The following DLGAP1 variants were observed in gnomAD, a reference collection of about 807,000 sequenced individuals.
DLGAP1 encodes DLG associated protein 1, also known as disks large-associated protein 1.
In DLGAP1, 11 loss-of-function variants were observed where a neutral mutation model predicts 90.8. That is an observed-to-expected ratio of 0.12 (90% CI 0.08 to 0.20). The LOEUF (loss-of-function observed/expected upper bound fraction) is 0.20. DLGAP1 is among the 10% of genes least tolerant of loss of function. The pLI is 1.00. For missense variants in DLGAP1, 1,050 were observed against 1,333.8 expected, an observed-to-expected ratio of 0.79 and a Z score of 3.31; for synonymous variants, 558 against 540.7, an observed-to-expected ratio of 1.03 and a Z score of -0.44.
At chr18:3,712,921 T>C (rs372268954) in intron 7 of DLGAP1, among the ~76,000 whole-genome samples, 10 of 152,366 alleles carry the variant, frequency 6.6e-5, no homozygotes, top group East Asian at 1.9e-4. Flanking sequence ...GTTGTTCTAC[T>C]GGTACTGTTT....
At chr18:4,225,748 CAG>C (rs1377456533) in intron 1 of DLGAP1, among the ~76,000 whole-genome samples, 3 of 151,470 alleles carry the variant, frequency 2.0e-5, no homozygotes. Flanking sequence ...TGTATATACA[CAG>C]AGGAGATAAA....
At chr18:3,813,927 C>G in intron 5 of DLGAP1, 132 bp downstream of exon 5, 1 of 849,636 alleles carries the variant, frequency 1.2e-6, no homozygotes, top group Admixed American at 2.1e-5. Flanking sequence ...GATCTAAAGT[C>G]ACAATCAATG....
At chr18:3,640,167 A>C (rs2146303368) in intron 7 of DLGAP1, among the ~76,000 whole-genome samples, 1 of 152,196 alleles carries the variant, frequency 6.6e-6, no homozygotes, top group East Asian at 1.9e-4. Flanking sequence ...ATGCTTAATA[A>C]ATATTTATTT....
chr18:3,638,590 T>C (rs1191152327), intron 7 of DLGAP1, among the ~76,000 whole-genome samples: 1 of 152,212 alleles, frequency 6.6e-6, no homozygotes, highest in Non-Finnish European at 1.5e-5. Context: ...TTGTTTTTCT[T>C]CCCTCAGTCA....
At chr18:3,872,721 T>C (rs915666014) in intron 4 of DLGAP1, among the ~76,000 whole-genome samples, 1 of 152,200 alleles carries the variant, frequency 6.6e-6, no homozygotes, top group Non-Finnish European at 1.5e-5. Context: ...CATGATCTCA[T>C]GTGGGCTAGA....
chr18:4,122,979 C>T (rs1004645969), intron 2 of DLGAP1, among the ~76,000 whole-genome samples: 1 of 152,128 alleles, frequency 6.6e-6, no homozygotes, highest in African/African-American at 2.4e-5. Flanking sequence ...TCCATTGCCC[C>T]AAGGGTAAGA....
At chr18:4,033,825 T>C (rs2074840059) in intron 2 of DLGAP1, among the ~76,000 whole-genome samples, 1 of 151,166 alleles carries the variant, frequency 6.6e-6, no homozygotes, top group Admixed American at 6.6e-5. Flanking sequence ...CTGCAACCTC[T>C]GCCTCCCGGG....
At chr18:3,779,634 A>G (rs1788935219) in intron 5 of DLGAP1, among the ~76,000 whole-genome samples, 1 of 151,956 alleles carries the variant, frequency 6.6e-6, no homozygotes, top group South Asian at 2.1e-4. Context: ...TATTCTATCT[A>G]TTGTTTAAGA....
intron 4 of DLGAP1, among the ~76,000 whole-genome samples, chr18:3,859,284 A>G (rs1414930034): frequency 6.6e-6 from 1 of 152,238 alleles, no homozygotes; most frequent in Non-Finnish European, 1.5e-5. Flanking sequence ...CAATGATCTC[A>G]TTTAGCTGAT....
rs1280390315 is a variant in DLGAP1 at position 4,342,704 on chromosome 18, G to A, written c.-267+112302C>T. Among the ~76,000 whole-genome samples, 1 of 152,150 alleles carries A rather than the reference G, an allele frequency of 6.6e-6. No individual in the cohort carries two copies. Among genetic ancestry groups the A allele is most frequent in the Admixed American group, 6.5e-5 (1 of 15,284 alleles). ...ACAAATCTGCAGATGTATGTTGAAAGATTTGACATATCATTCTTATACCTG... is the reference window on the plus strand; with the variant it reads ...ACAAATCTGCAGATGTATGTTGAAAAATTTGACATATCATTCTTATACCTG... On this transcript the variant is annotated intron_variant, in intron 1 of 12. Coordinates refer to ENST00000315677, the MANE Select transcript of DLGAP1 (RefSeq NM_004746.4). This position sits in a 1 kb window ranked among gnomAD's most constrained non-coding sequence, Gnocchi z 5.8.
At chr18:3,502,353 A>T (rs1228623087) in intron 12 of DLGAP1, 140 bp downstream of exon 12, 15 of 1,448,414 alleles carry the variant, frequency 1.0e-5, no homozygotes, top group Non-Finnish European at 1.3e-5. Flanking sequence ...CTATGTAAAC[A>T]TTGTCATTAC....
At chr18:4,076,685 G>A (rs1354697431) in intron 2 of DLGAP1, among the ~76,000 whole-genome samples, 2 of 151,892 alleles carry the variant, frequency 1.3e-5, no homozygotes, top group Non-Finnish European at 2.9e-5. Flanking sequence ...GTGCAGTGGC[G>A]TGATCTCGGC....
At chr18:4,025,558 A>G (rs966731372) in intron 2 of DLGAP1, among the ~76,000 whole-genome samples, 6 of 152,108 alleles carry the variant, frequency 3.9e-5, no homozygotes, top group Non-Finnish European at 5.9e-5. Flanking sequence ...CGGTCATGCA[A>G]TTGATCCAAG....
intron 3 of DLGAP1, among the ~76,000 whole-genome samples, chr18:3,982,469 T>C (rs1276976215): frequency 6.6e-6 from 1 of 152,198 alleles, no homozygotes; most frequent in Non-Finnish European, 1.5e-5. Context: ...TTTTCTATAA[T>C]ATAGAAAATG....
chr18:3,721,912 C>T (rs755009915), intron 7 of DLGAP1: 1 of 151,976 alleles, frequency 6.6e-6, no homozygotes, highest in Non-Finnish European at 1.5e-5. Context: ...GTATTCATTA[C>T]GGTTACATTA....
chr18:3,908,421 C>T (rs968401074), intron 3 of DLGAP1, among the ~76,000 whole-genome samples: 3 of 150,896 alleles, frequency 2.0e-5, no homozygotes, highest in South Asian at 4.2e-4. Flanking sequence ...TTAAATTTGG[C>T]GAGCTGTGAT....
chr18:3,611,243 C>T (rs3866988), intron 7 of DLGAP1, among the ~76,000 whole-genome samples: 86,345 of 151,866 alleles, frequency 0.57, 26,026 homozygotes, highest in African/African-American at 0.76. Flanking sequence ...TACAGCTCCC[C>T]TGATCACCCA....
chr18:4,201,995 A>G (rs1054178999), intron 1 of DLGAP1, among the ~76,000 whole-genome samples: 3 of 152,152 alleles, frequency 2.0e-5, no homozygotes, highest in African/African-American at 7.2e-5. Context: ...AAGGAAAATA[A>G]GTCATTATGT....
chr18:3,996,319 T>C (rs1426184192), intron 3 of DLGAP1, among the ~76,000 whole-genome samples: 2 of 152,098 alleles, frequency 1.3e-5, no homozygotes, highest in Non-Finnish European at 2.9e-5. Context: ...GAAATGGAGT[T>C]TCTAAATTTT....
Sources: allele counts gnomAD v4.1 joint callset (sites outside exome capture counted in the v4.1 genomes callset), GRCh38; gene constraint gnomAD v4.1.1; non-coding constraint Gnocchi (gnomAD v3.1); transcripts MANE v1.5; gene names NCBI Gene and HGNC (gene_info 2026-07-23, HGNC 2026-07-21).